ITGB5: variants seen among roughly 807,000 people sequenced by gnomAD.
The protein encoded by ITGB5 is integrin subunit beta 5.
In ITGB5, 38 loss-of-function variants were observed where a neutral mutation model predicts 84.8. That is an observed-to-expected ratio of 0.45 (90% CI 0.35 to 0.59). The LOEUF (loss-of-function observed/expected upper bound fraction) is 0.59. ITGB5 is among the 20% of genes least tolerant of loss of function. The pLI is 0.01. For missense variants in ITGB5, 905 were observed against 1,034.5 expected (o/e 0.87, Z 1.72); for synonymous variants, 393 against 414.4 (o/e 0.95, Z 0.63).
chr3:124,771,198 C>T (rs902335884), intron 11 of ITGB5, among the ~76,000 whole-genome samples: 4 of 152,148 alleles, frequency 2.6e-5, no homozygotes, highest in African/African-American at 9.7e-5. Flanking sequence ...CTGAAATCAG[C>T]TGGGTGTTGA....
intron 2 of ITGB5, among the ~76,000 whole-genome samples, chr3:124,870,572 CAA>C: frequency 6.6e-6 from 1 of 152,064 alleles, no homozygotes; most frequent in Admixed American, 6.6e-5. Flanking sequence ...ACTAAAAATA[CAA>C]AAACTAGCCG....
At chr3:124,838,291 T>C (rs1412571605) in intron 5 of ITGB5, among the ~76,000 whole-genome samples, 1 of 152,032 alleles carries the variant, frequency 6.6e-6, no homozygotes, top group East Asian at 1.9e-4. Flanking sequence ...AATAAGCCTA[T>C]CACCTATCAG....
Position 124,810,340 on chromosome 3 carries a change from G to C in ITGB5, c.1129-1184C>G, listed in dbSNP as rs1156244866. Among the ~76,000 whole-genome samples the C allele has an allele frequency of 2.0e-5, 3 of 152,334 alleles. No individual in the cohort carries two copies. In the East Asian group the frequency reaches 5.8e-4, roughly 29 times the overall value. ...TGAGGGATTGCGATGGAAGAGGGCA[G>C]AATAGGGACTTCTGGGCCTGGCTAA... On this transcript the variant is annotated intron_variant, in intron 8 of 14. Coordinates refer to ENST00000296181, the MANE Select transcript of ITGB5 (RefSeq NM_002213.5).
At chr3:124,814,493 A>G (rs560501204) in intron 8 of ITGB5, among the ~76,000 whole-genome samples, 85 of 150,642 alleles carry the variant, frequency 5.6e-4, no homozygotes, top group East Asian at 1.4e-3. Context: ...AAAAAAAAAA[A>G]AGAGACAGAG....
At chr3:124,800,999 C>A (rs2064306939) in intron 9 of ITGB5, among the ~76,000 whole-genome samples, 1 of 152,220 alleles carries the variant, frequency 6.6e-6, no homozygotes, top group Non-Finnish European at 1.5e-5. Context: ...GCCTGATGCA[C>A]CCTTTCAAAA....
At chr3:124,845,204 G>C (rs2065061259) in intron 4 of ITGB5, among the ~76,000 whole-genome samples, 1 of 152,204 alleles carries the variant, frequency 6.6e-6, no homozygotes. Flanking sequence ...AAGCTGAGGT[G>C]GGTGGATCAC....
rs56390552 is a variant in ITGB5 at position 124,838,204 on chromosome 3, TA to T, written c.780+3178del. On this transcript the variant is annotated intron_variant, in intron 5 of 14. Coordinates refer to ENST00000296181, the MANE Select transcript of ITGB5 (RefSeq NM_002213.5). Reference sequence around the variant, plus strand: ...TCTTTATTCTGAAACTGTTCCAGAATAAAAAAAAAAAAAAAGAAATCATACT... The same window carrying T: ...TCTTTATTCTGAAACTGTTCCAGAATAAAAAAAAAAAAAAGAAATCATACT... 9.8e-3 allele frequency among the ~76,000 whole-genome samples: 1,144 copies of T among 116,212 alleles called. 9 individuals are homozygous for T. Among genetic ancestry groups the T allele is most frequent in the East Asian group, 0.024 (95 of 3,982 alleles). 76.2% of individuals were successfully genotyped at this position (116,212 alleles called of 152,430 possible). A position where few individuals can be genotyped will look rare whatever the true frequency, so the allele number is the denominator to read the frequency against.
intron 2 of ITGB5, among the ~76,000 whole-genome samples, chr3:124,860,842 C>G (rs1228186151): frequency 6.6e-6 from 1 of 152,188 alleles, no homozygotes; most frequent in African/African-American, 2.4e-5. Context: ...AGGAATGCAC[C>G]CTCCCTCAAG....
rs1478150376 is a variant in ITGB5 at position 124,886,989 on chromosome 3, G to A, written c.12C>T (p.Ala4=). MPR[A]PAPLYACLLG... ...GGAGGCAGGCGTACAGCGGCGCCGGGGCCCGCGGCATGGTGGGGCGCCTCC... is the reference window on the plus strand; with the variant it reads ...GGAGGCAGGCGTACAGCGGCGCCGGAGCCCGCGGCATGGTGGGGCGCCTCC... The change falls in exon 1 of 15, where the codon GCC becomes GCT. Residue 4 remains alanine (A), a synonymous_variant. Coordinates refer to ENST00000296181, the MANE Select transcript of ITGB5 (RefSeq NM_002213.5). The A allele has an allele frequency of 3.4e-6, 4 of 1,193,476 alleles. No individual in the cohort carries two copies. The highest frequency in any genetic ancestry group is 1.6e-5 in the African/African-American group (1 of 62,648). The allele number at this position is 1,193,476 out of a possible 1,614,324, so 73.9% of individuals were successfully genotyped here.
chr3:124,798,616 G>A (rs1205040620), intron 9 of ITGB5, among the ~76,000 whole-genome samples: 4 of 152,108 alleles, frequency 2.6e-5, no homozygotes, highest in Non-Finnish European at 5.9e-5. Flanking sequence ...GACGGAGATG[G>A]GGTTTCACTG....
chr3:124,859,138 G>A (rs1399050146), intron 3 of ITGB5, 104 bp downstream of exon 3: 1 of 1,107,246 alleles, frequency 9.0e-7, no homozygotes, highest in East Asian at 2.4e-5. Flanking sequence ...TCGTGGCTCT[G>A]ATCTCAGCCT....
chr3:124,830,224 C>T (rs115385073), intron 5 of ITGB5, among the ~76,000 whole-genome samples: 3,471 of 152,264 alleles, frequency 0.023, 55 homozygotes, highest in Non-Finnish European at 0.033. Flanking sequence ...AGGAAGCTCA[C>T]ACAGAGAACC....
intron 11 of ITGB5, among the ~76,000 whole-genome samples, chr3:124,772,911 CTTTTTTTTTT>C (rs35802279): frequency 3.1e-5 from 4 of 127,328 alleles, no homozygotes; most frequent in African/African-American, 5.8e-5. Context: ...CTCCAATTTA[CTTTTTTTTTT>C]TTTTTTTTTT....
intron 2 of ITGB5, among the ~76,000 whole-genome samples, chr3:124,866,117 T>G (rs1325863638): frequency 6.6e-6 from 1 of 152,164 alleles, no homozygotes; most frequent in Non-Finnish European, 1.5e-5. Flanking sequence ...TGCCTCAGCC[T>G]CCCGAATAGC....
intron 4 of ITGB5, among the ~76,000 whole-genome samples, chr3:124,846,759 C>T (rs1019509144): frequency 2.0e-5 from 3 of 152,066 alleles, no homozygotes; most frequent in Admixed American, 6.6e-5. Flanking sequence ...CATGGTGAAA[C>T]CCCATCTCTA....
chr3:124,865,872 C>T (rs10934695), intron 2 of ITGB5, among the ~76,000 whole-genome samples: 23,871 of 152,100 alleles, frequency 0.16, 1,964 homozygotes, highest in South Asian at 0.21. Context: ...TAGTTTGTTA[C>T]AACACTGGTG....
chr3:124,764,552 C>T lies in ITGB5; in HGVS notation c.2143G>A (p.Gly715Arg), dbSNP rs760338724. Residue 715 changes from glycine to arginine, a missense_variant, in exon 14 of 15, where the codon GGA (glycine) becomes AGA (arginine). By Grantham distance (125) the Gly-to-Arg change is moderately radical. This residue lies in a region of ITGB5 where 133 missense variants were observed against 122.8 expected (regional missense o/e 1.08). Coordinates refer to ENST00000296181, the MANE Select transcript of ITGB5 (RefSeq NM_002213.5). ...ATGGTCATGGCGTTGGGGGTGTTTC[C>T]ACACTCTGGGGGGACCAGAAGCATG... Reference protein sequence around the residue: ...NLTVLREPECGNTPNAMTILL... With the variant: ...NLTVLREPECRNTPNAMTILL... 2 of 1,610,532 alleles carry T rather than the reference C, an allele frequency of 1.2e-6. No individual in the cohort carries two copies. Among genetic ancestry groups the T allele is most frequent in the South Asian group, 2.2e-5 (2 of 90,960 alleles).
rs912060987 is a variant in ITGB5, at chr3:124,841,323, C to A, written c.780+60G>T. On this transcript the variant is annotated intron_variant, in intron 5 of 14. Coordinates refer to ENST00000296181, the MANE Select transcript of ITGB5 (RefSeq NM_002213.5). The stretch of plus-strand genomic sequence containing the variant: ...AGACTCCTGCAGGAAGTACCAACAC[C>A]CACTGACGCTCTCTACCTTGACCTC... 2.7e-5 allele frequency: 42 copies of A among 1,528,244 alleles called. No homozygotes were observed. The African/African-American group carries it at 5.1e-4, about 18-fold the overall frequency. The allele number at this position is 1,528,244 out of a possible 1,614,324, so 94.7% of individuals were successfully genotyped here.
chr3:124,777,789 C>G (rs2150942694), intron 10 of ITGB5, among the ~76,000 whole-genome samples: 1 of 152,356 alleles, frequency 6.6e-6, no homozygotes, highest in South Asian at 2.1e-4. Context: ...CCCACACAGA[C>G]AGTCAAAAGC....
Sources: gnomAD v4.1 joint callset for allele counts (sites outside exome capture counted in the v4.1 genomes callset) on GRCh38, gnomAD v4.1.1 for gene constraint, gnomAD v4.1.1 regional missense constraint, MANE v1.5 for transcripts, NCBI Gene and HGNC (gene_info 2026-07-23, HGNC 2026-07-21) for gene names.